DENND5A: variants seen among roughly 807,000 people sequenced by gnomAD.
DENND5A encodes the protein DENN domain-containing protein 5A.
In DENND5A, 64 loss-of-function variants were observed where a neutral mutation model predicts 140.3. That is an observed-to-expected ratio of 0.46 (90% CI 0.37 to 0.56). The LOEUF is 0.56. DENND5A is among the 20% of genes least tolerant of loss of function. The probability of loss-of-function intolerance (pLI) is 0.00; values close to 1 mark genes in which losing one functional copy is unlikely to be tolerated. For synonymous variants in DENND5A, 605 were observed against 607.7 expected (o/e 1.00, Z 0.07); for missense variants, 1,292 against 1,593.8 (o/e 0.81, Z 3.22).
intron 1 of DENND5A, among the ~76,000 whole-genome samples, chr11:9,235,169 T>C (rs1378872683): frequency 6.6e-6 from 1 of 152,156 alleles, no homozygotes; most frequent in Admixed American, 6.6e-5. Context: ...AGACAGAAAC[T>C]TGTACATGAA....
At chr11:9,235,381 G>T (rs998343674) in intron 1 of DENND5A, among the ~76,000 whole-genome samples, 19 of 152,180 alleles carry the variant, frequency 1.2e-4, no homozygotes, top group African/African-American at 4.3e-4. Flanking sequence ...CTGCTAGGCT[G>T]GGCGGGGTGG....
At chr11:9,193,407 TA>T in intron 5 of DENND5A, 86 bp downstream of exon 5, 1 of 1,060,362 alleles carries the variant, frequency 9.4e-7, no homozygotes, top group Non-Finnish European at 1.3e-6. Context: ...ATAAACTTGG[TA>T]ACATCATGCA....
chr11:9,240,541 C>T lies in DENND5A; in HGVS notation c.109+24420G>A, dbSNP rs190397224. On this transcript the variant is annotated intron_variant, in intron 1 of 22. Coordinates refer to ENST00000328194, the MANE Select transcript of DENND5A (RefSeq NM_015213.4). The stretch of plus-strand genomic sequence containing the variant: ...CCTGGGCAACGTGGTGAAAACCCAT[C>T]GCTAGAAAAAAGACAAAAAATATAC... Among the ~76,000 whole-genome samples, 448 of 152,116 alleles carry T rather than the reference C, an allele frequency of 2.9e-3. 2 individuals are homozygous for T. Among genetic ancestry groups the T allele is most frequent in the Non-Finnish European group, 4.6e-3 (315 of 67,994 alleles).
intron 12 of DENND5A, among the ~76,000 whole-genome samples, chr11:9,157,478 C>T (rs1444416686): frequency 6.6e-6 from 1 of 152,202 alleles, no homozygotes; most frequent in Non-Finnish European, 1.5e-5. Flanking sequence ...TCCTCTCCCT[C>T]CTCCCACTCT....
chr11:9,142,214 A>G (rs1241471372), intron 21 of DENND5A, 106 bp from the exon 22 acceptor site: 1 of 844,526 alleles, frequency 1.2e-6, no homozygotes, highest in East Asian at 2.6e-5. Flanking sequence ...CAGGTAACTT[A>G]ATGAGAATAG....
At chr11:9,171,635 G>T (rs994291979) in intron 8 of DENND5A, 1 of 150,434 alleles carries the variant, frequency 6.6e-6, no homozygotes, top group African/African-American at 2.5e-5. Flanking sequence ...CCAAAGTGAG[G>T]GTATCATTTA....
Position 9,180,985 on chromosome 11 carries a change from C to CA in DENND5A, c.1236dup (p.Glu413Ter). On this transcript the variant is annotated frameshift_variant, in exon 6 of 23. Transcript: ENST00000328194. LOFTEE classifies it high-confidence loss of function. ...GGAATTCCAAATGCCATGAGAATCT[C>CA]AGAGACTTCCTGGACAAACTCCAAT... 1 of 1,614,188 alleles carries CA rather than the reference C, an allele frequency of 6.2e-7. No individual in the cohort carries two copies. The highest frequency in any genetic ancestry group is 8.5e-7 in the Non-Finnish European group (1 of 1,180,048).
At chr11:9,153,383 C>T (rs965415439) in intron 12 of DENND5A, among the ~76,000 whole-genome samples, 1 of 147,508 alleles carries the variant, frequency 6.8e-6, no homozygotes, top group Non-Finnish European at 1.5e-5. Flanking sequence ...AGCAAATGAC[C>T]TATCATCCTC....
chr11:9,201,958 A>C (rs189890051), intron 4 of DENND5A, among the ~76,000 whole-genome samples: 1 of 152,214 alleles, frequency 6.6e-6, no homozygotes. Flanking sequence ...TAAGCAGATT[A>C]GTATCACCAA....
At chr11:9,229,187 A>C (rs1207607693) in intron 1 of DENND5A, among the ~76,000 whole-genome samples, 1 of 152,166 alleles carries the variant, frequency 6.6e-6, no homozygotes, top group African/African-American at 2.4e-5. Flanking sequence ...CCCAGCTGGT[A>C]ACCAGAGAGT....
At chr11:9,224,128 AGGT>A (rs1850436807) in intron 1 of DENND5A, among the ~76,000 whole-genome samples, 1 of 152,192 alleles carries the variant, frequency 6.6e-6, no homozygotes, top group South Asian at 2.1e-4. Context: ...TGGGAGGCAG[AGGT>A]TGCAGTGAGC....
chr11:9,144,353 C>T, intron 18 of DENND5A, 75 bp from the exon 19 acceptor site: 2 of 1,464,492 alleles, frequency 1.4e-6, no homozygotes, highest in South Asian at 1.2e-5. Flanking sequence ...TCAACAAAGC[C>T]AATCCCTGGA....
Position 9,224,939 on chromosome 11 carries a change from T to C in DENND5A, c.110-17307A>G, listed in dbSNP as rs142918551. On this transcript the variant is annotated intron_variant, in intron 1 of 22. Transcript: ENST00000328194. The stretch of plus-strand genomic sequence containing the variant: ...AGTTCTTCTGGAAATTTTCTGTGAG[T>C]GCTAGGGTCAGAGCCATTTACTGGT... Among the ~76,000 whole-genome samples, 76 of 151,904 alleles carry C rather than the reference T, an allele frequency of 5.0e-4. No individual in the cohort carries two copies. In the East Asian group the frequency reaches 0.015, roughly 29 times the overall value.
intron 1 of DENND5A, among the ~76,000 whole-genome samples, chr11:9,257,516 C>G (rs1204559682): frequency 7.2e-6 from 1 of 138,724 alleles, no homozygotes; most frequent in Non-Finnish European, 1.5e-5. Flanking sequence ...GAGTCTCACA[C>G]TGTTGCCCAG....
At chr11:9,262,226 G>C (rs939140399) in intron 1 of DENND5A, among the ~76,000 whole-genome samples, 3 of 152,066 alleles carry the variant, frequency 2.0e-5, no homozygotes, top group Non-Finnish European at 2.9e-5. Flanking sequence ...CAATCACAAA[G>C]ATAGTCAATA....
intron 1 of DENND5A, among the ~76,000 whole-genome samples, chr11:9,221,620 C>T (rs1399255652): frequency 6.6e-6 from 1 of 152,118 alleles, no homozygotes; most frequent in African/African-American, 2.4e-5. Context: ...TCTGCCTCGG[C>T]CTCCCAAACT....
intron 11 of DENND5A, among the ~76,000 whole-genome samples, chr11:9,165,293 C>A (rs764002322): frequency 2.5e-4 from 38 of 152,122 alleles, no homozygotes; most frequent in Non-Finnish European, 3.2e-4. Flanking sequence ...AGCCACTGCG[C>A]CCAGCTTGTT....
chr11:9,200,754 C>A (rs1238845190), intron 4 of DENND5A, among the ~76,000 whole-genome samples: 1 of 152,224 alleles, frequency 6.6e-6, no homozygotes, highest in Non-Finnish European at 1.5e-5. Flanking sequence ...GACATCACCT[C>A]TCACCTGGAT....
intron 19 of DENND5A, 152 bp downstream of exon 19, chr11:9,143,945 G>T: frequency 1.2e-6 from 1 of 860,602 alleles, no homozygotes; most frequent in Non-Finnish European, 1.8e-6. Context: ...ATAAGAGAAG[G>T]GTGCCATATG....
Sources: allele counts gnomAD v4.1 joint callset (sites outside exome capture counted in the v4.1 genomes callset), GRCh38; gene constraint gnomAD v4.1.1; transcripts MANE v1.5; gene names NCBI Gene and HGNC (gene_info 2026-07-23, HGNC 2026-07-21).